MTFR1: variants seen among roughly 807,000 people sequenced by gnomAD.
MTFR1 encodes the protein mitochondrial fission regulator 1, also known as chondrocyte protein with a poly-proline region.
A neutral mutation model predicts 38.8 loss-of-function variants in MTFR1; 28 were observed. The ratio of observed to expected loss-of-function variants is 0.72; its 90% CI spans 0.53 to 0.99. MTFR1 has a LOEUF of 0.99. Ranked by LOEUF, MTFR1 falls within the 50% of genes least tolerant of loss-of-function variation. The pLI is 0.00. For missense variants in MTFR1, 358 were observed against 395.5 expected (o/e 0.91, Z 0.81); for synonymous variants, 145 against 137.0 (o/e 1.06, Z -0.41).
intron 3 of MTFR1, among the ~76,000 whole-genome samples, chr8:65,763,460 G>A (rs554860050): frequency 6.6e-6 from 1 of 152,228 alleles, no homozygotes; most frequent in African/African-American, 2.4e-5. Flanking sequence ...AGCTACTTAG[G>A]AGGCTGAGGC....
chr8:65,744,584 AAGCGCTCTTAAAGAAGCTAC>A (rs1345115086), intron 3 of MTFR1, among the ~76,000 whole-genome samples: 5 of 152,190 alleles, frequency 3.3e-5, no homozygotes, highest in African/African-American at 1.2e-4. Flanking sequence ...AGATTCTGAT[AAGCGCTCTTAAAGAAGCTAC>A]AGCTCTTCCC....
chr8:65,716,918 G>A (rs1806165105), intron 2 of MTFR1, among the ~76,000 whole-genome samples: 1 of 152,086 alleles, frequency 6.6e-6, no homozygotes, highest in Admixed American at 6.6e-5. Context: ...GTCCAATATG[G>A]TAGCCACTAG....
At chr8:65,737,497 T>A (rs1807192088) in intron 3 of MTFR1, among the ~76,000 whole-genome samples, 1 of 152,164 alleles carries the variant, frequency 6.6e-6, no homozygotes, top group Non-Finnish European at 1.5e-5. Context: ...GCAAAAATGG[T>A]TATATTAATT....
At chr8:65,658,688 G>C (rs1462314229) in intron 1 of MTFR1, among the ~76,000 whole-genome samples, 3 of 152,096 alleles carry the variant, frequency 2.0e-5, no homozygotes, top group Non-Finnish European at 4.4e-5. Context: ...CTGATTCTTA[G>C]CAATTTTTTT....
rs1806684770 is a variant in MTFR1 at position 65,728,128 on chromosome 8, G to A, written c.*48+8647G>A. 3 of 152,232 alleles carry A rather than the reference G, an allele frequency of 2.0e-5. No individual in the cohort carries two copies. The South Asian group carries it at 6.2e-4, about 32-fold the overall frequency. The allele number at this position is 152,232 out of a possible 1,614,324, so 9.4% of individuals were successfully genotyped here. A position where few individuals can be genotyped will look rare whatever the true frequency, so the allele number is the denominator to read the frequency against. ...ACCTGCCACAATACCACTCATCAGA[G>A]CATGGTATTATTTAGGTTTACGTTA... On this transcript the variant is annotated intron_variant, in intron 3 of 3. Coordinates refer to the MTFR1 transcript ENST00000521247.
At chr8:65,693,814 G>T in intron 4 of MTFR1, 55 bp downstream of exon 4, 1 of 1,356,108 alleles carries the variant, frequency 7.4e-7, no homozygotes. Flanking sequence ...TTTAAAGAAT[G>T]ATATTATTTG....
At chr8:65,645,119 C>T (rs1585733289) in intron 1 of MTFR1, among the ~76,000 whole-genome samples, 1 of 152,200 alleles carries the variant, frequency 6.6e-6, no homozygotes, top group Non-Finnish European at 1.5e-5. Context: ...ATCTTTCGGA[C>T]CCCCGGTTCC....
chr8:65,755,693 T>G (rs1808202342), intron 3 of MTFR1, among the ~76,000 whole-genome samples: 1 of 152,284 alleles, frequency 6.6e-6, no homozygotes, highest in South Asian at 2.1e-4. Flanking sequence ...TATTTACTTG[T>G]GTAGTAACCT....
intron 2 of MTFR1, among the ~76,000 whole-genome samples, chr8:65,676,769 A>G (rs1804719472): frequency 6.6e-6 from 1 of 152,326 alleles, no homozygotes; most frequent in East Asian, 1.9e-4. Context: ...GAATTACCAC[A>G]TACAGCTTGA....
chr8:65,654,681 G>A (rs903353140), intron 1 of MTFR1, among the ~76,000 whole-genome samples: 1 of 152,086 alleles, frequency 6.6e-6, no homozygotes, highest in Non-Finnish European at 1.5e-5. Flanking sequence ...GGGCTCAAGC[G>A]ATCCTTCTGC....
chr8:65,695,873 C>T (rs781261939), intron 4 of MTFR1, among the ~76,000 whole-genome samples: 3 of 152,044 alleles, frequency 2.0e-5, no homozygotes, highest in Non-Finnish European at 2.9e-5. Flanking sequence ...ATGTATAGAA[C>T]GTGAAGAGCA....
chr8:65,665,069 G>A (rs1476316825), intron 1 of MTFR1, among the ~76,000 whole-genome samples: 1 of 150,562 alleles, frequency 6.6e-6, no homozygotes, highest in African/African-American at 2.4e-5. Flanking sequence ...CAAGTAGCTG[G>A]GACTACAGAC....
intron 3 of MTFR1, among the ~76,000 whole-genome samples, chr8:65,751,478 T>G (rs1301427369): frequency 6.6e-6 from 1 of 152,158 alleles, no homozygotes. Flanking sequence ...TCCTGAGGTT[T>G]TTTTTTTTCT....
intron 1 of MTFR1, among the ~76,000 whole-genome samples, chr8:65,669,167 A>C (rs1409808629): frequency 2.6e-5 from 4 of 152,176 alleles, no homozygotes; most frequent in Non-Finnish European, 4.4e-5. Flanking sequence ...TTGCTACGAC[A>C]CGTGAGCTGT....
chr8:65,734,820 T>C, intron 3 of MTFR1: 4 of 1,608,534 alleles, frequency 2.5e-6, no homozygotes, highest in Non-Finnish European at 3.4e-6. Context: ...TAACAGTGCA[T>C]GGCCTGAGTA....
At chr8:65,727,125 C>T (rs1806643922) in intron 3 of MTFR1, 3 of 1,228,704 alleles carry the variant, frequency 2.4e-6, no homozygotes, top group Non-Finnish European at 3.5e-6. Flanking sequence ...GAAAGATTTT[C>T]TAGAATGCAA....
At chr8:65,713,030 A>C (rs184786854), downstream of MTFR1, among the ~76,000 whole-genome samples, 1 of 152,366 alleles carries the variant, frequency 6.6e-6, no homozygotes, top group East Asian at 1.9e-4. Context: ...AGGTGTTGTA[A>C]TACAAGATGG....
chr8:65,662,032 CCT>C (rs528476639), intron 1 of MTFR1, among the ~76,000 whole-genome samples: 16 of 100,566 alleles, frequency 1.6e-4, no homozygotes, highest in African/African-American at 5.9e-4. Flanking sequence ...TCTCTCTCTC[CCT>C]CTCTCTCCCT....
chr8:65,757,971 CTCAT>C (rs1376390497), intron 3 of MTFR1, among the ~76,000 whole-genome samples: 1 of 152,180 alleles, frequency 6.6e-6, no homozygotes, highest in Non-Finnish European at 1.5e-5. Context: ...AACCCACTTA[CTCAT>C]TTATTTACCC....
Sources: gnomAD v4.1 joint callset for allele counts (sites outside exome capture counted in the v4.1 genomes callset) on GRCh38, gnomAD v4.1.1 for gene constraint, MANE v1.5 for transcripts, NCBI Gene and HGNC (gene_info 2026-07-23, HGNC 2026-07-21) for gene names.